The following GRIN2B variants were observed in gnomAD, a reference collection of about 807,000 sequenced individuals.
GRIN2B encodes glutamate receptor ionotropic, NMDA 2B.
A neutral mutation model predicts 114.5 loss-of-function variants in GRIN2B; 5 were observed. The ratio of observed to expected loss-of-function variants is 0.04; its 90% CI spans 0.02 to 0.09. The LOEUF (loss-of-function observed/expected upper bound fraction) is 0.09. GRIN2B is among the 10% of genes least tolerant of loss of function. The pLI, the probability that GRIN2B is intolerant of heterozygous loss-of-function variation, is 1.00. For synonymous variants in GRIN2B, 787 were observed against 745.1 expected, an observed-to-expected ratio of 1.06 and a Z score of -0.92; for missense variants, 1,108 against 1,943.5, an observed-to-expected ratio of 0.57 and a Z score of 8.08.
chr12:13,578,425 C>T (rs1948805504), intron 10 of GRIN2B, among the ~76,000 whole-genome samples: 1 of 152,192 alleles, frequency 6.6e-6, no homozygotes, highest in African/African-American at 2.4e-5. Context: ...ACCCTGAGGC[C>T]ACCATGCCGG....
At chr12:13,887,491 A>G (rs114820763) in intron 2 of GRIN2B, among the ~76,000 whole-genome samples, 190 of 152,372 alleles carry the variant, frequency 1.2e-3, no homozygotes, top group African/African-American at 4.4e-3. Context: ...TACAAGGCAC[A>G]GAATTCAACA....
intron 5 of GRIN2B, among the ~76,000 whole-genome samples, chr12:13,653,259 G>A (rs577623843): frequency 1.4e-3 from 216 of 152,242 alleles, no homozygotes; most frequent in Admixed American, 4.3e-3. Flanking sequence ...ATGTTGGAAA[G>A]AGAGGGGAGA....
At chr12:13,876,806 G>A (rs1865997080) in intron 2 of GRIN2B, among the ~76,000 whole-genome samples, 1 of 152,106 alleles carries the variant, frequency 6.6e-6, no homozygotes, top group Non-Finnish European at 1.5e-5. Context: ...AATGAGGCAG[G>A]GACTATGTCT....
intron 3 of GRIN2B, among the ~76,000 whole-genome samples, chr12:13,779,555 A>G (rs1447641116): frequency 6.6e-6 from 1 of 152,246 alleles, no homozygotes. Context: ...TTCACTTAAT[A>G]TATCTAAAAT....
intron 10 of GRIN2B, among the ~76,000 whole-genome samples, chr12:13,601,269 G>A (rs773020237): frequency 5.3e-5 from 8 of 152,178 alleles, no homozygotes; most frequent in Non-Finnish European, 1.0e-4. Flanking sequence ...TTCTTCCAAA[G>A]GTTCTAGGGG....
At position 13,980,147 on chromosome 12, in the gene GRIN2B, T is replaced by G. The variant is rs1863105814; in HGVS notation, c.-238A>C. ...AAAAAAGATTTAATTCAAAGGTAAT[T>G]CAGGGTATGGAGAGCAGCTCACAAT... is the stretch of plus-strand genomic sequence containing the variant. On this transcript the variant is annotated 5_prime_UTR_variant, in exon 2 of 14. Transcript: ENST00000609686. 1 of 152,238 alleles carries G rather than the reference T, an allele frequency of 6.6e-6. No individual in the cohort carries two copies. The highest frequency in any genetic ancestry group is 1.5e-5 in the Non-Finnish European group (1 of 68,052). The allele number at this position is 152,238 out of a possible 1,614,324, so 9.4% of individuals were successfully genotyped here.
At chr12:13,723,733 G>A (rs953883723) in intron 4 of GRIN2B, among the ~76,000 whole-genome samples, 1 of 152,082 alleles carries the variant, frequency 6.6e-6, no homozygotes, top group Non-Finnish European at 1.5e-5. Context: ...AGAGGGTAAC[G>A]TATTGGGTTA....
chr12:13,894,229 C>T (rs1866315276), intron 2 of GRIN2B, among the ~76,000 whole-genome samples: 1 of 152,054 alleles, frequency 6.6e-6, no homozygotes, highest in Admixed American at 6.6e-5. Context: ...TTCTGGGAAT[C>T]TTTCCTAAAG....
At position 13,816,525 on chromosome 12, in the gene GRIN2B, C is replaced by T. The variant is rs550462286; in HGVS notation, c.411+49273G>A. On this transcript the variant is annotated intron_variant, in intron 3 of 13. Coordinates refer to ENST00000609686, the MANE Select transcript of GRIN2B (RefSeq NM_000834.5). ...AGATACCAGCAGGCTTTTTTGGAGC[C>T]CATGCTATAAGAAGCATGGAAATTC... 1.6e-4 allele frequency among the ~76,000 whole-genome samples: 25 copies of T among 152,106 alleles called. No individual in the cohort carries two copies. The South Asian group carries it at 5.2e-3, about 32-fold the overall frequency.
At chr12:13,692,438 A>G (rs1950222391) in intron 4 of GRIN2B, among the ~76,000 whole-genome samples, 1 of 152,162 alleles carries the variant, frequency 6.6e-6, no homozygotes, top group Non-Finnish European at 1.5e-5. Context: ...ATTGATGAGA[A>G]AAAAATGGAT....
Position 13,570,033 on chromosome 12 carries a change from GCAAA to G in GRIN2B, c.2172-20_2172-17del, listed in dbSNP as rs765274847. The G allele has an allele frequency of 1.1e-5, 17 of 1,590,368 alleles. No individual in the cohort carries two copies. The highest frequency in any genetic ancestry group is 1.3e-5 in the African/African-American group (1 of 74,444). On this transcript the variant is annotated splice_polypyrimidine_tract_variant and intron_variant, in intron 11 of 13. Transcript: ENST00000609686. Reference sequence around the variant, plus strand: ...ATCCAGTTTCCTGTACAGGAAAAAAGCAAACAAATCCAATGGAGGAATTTTAGAA... The same window carrying G: ...ATCCAGTTTCCTGTACAGGAAAAAAGCAAATCCAATGGAGGAATTTTAGAA...
chr12:13,609,782 A>C (rs955085434), intron 9 of GRIN2B, among the ~76,000 whole-genome samples: 9 of 151,930 alleles, frequency 5.9e-5, no homozygotes, highest in Non-Finnish European at 4.4e-5. Flanking sequence ...CAAAAAAAAA[A>C]AAAAAAGAAT....
chr12:13,607,340 T>TAAAAA (rs1949279619), intron 10 of GRIN2B, among the ~76,000 whole-genome samples: 6 of 55,418 alleles, frequency 1.1e-4, no homozygotes, highest in Admixed American at 3.7e-4. Context: ...ATATATTATA[T>TAAAAA]ATAATATATA....
At chr12:13,576,057 G>C (rs1189463591) in intron 10 of GRIN2B, among the ~76,000 whole-genome samples, 2 of 152,180 alleles carry the variant, frequency 1.3e-5, no homozygotes, top group Non-Finnish European at 2.9e-5. Context: ...GGCCAACAGG[G>C]AGAGAACATT....
rs867441693 is a variant in GRIN2B, at chr12:13,541,787, T to C, written c.*20996A>G. ...AGGGTTCCGTGAGGGTTTGGAAAAA[T>C]AGTTCACTAGAAATGGCCTAACAGT... On this transcript the variant is annotated 3_prime_UTR_variant, in exon 14 of 14. Coordinates refer to ENST00000609686, the MANE Select transcript of GRIN2B (RefSeq NM_000834.5). 6.6e-6 allele frequency: 1 copy of C among 152,140 alleles called. No individual in the cohort carries two copies. The highest frequency in any genetic ancestry group is 2.1e-4 in the South Asian group (1 of 4,822). The allele number at this position is 152,140 out of a possible 1,614,324, so 9.4% of individuals were successfully genotyped here. A position where few individuals can be genotyped will look rare whatever the true frequency, so the allele number is the denominator to read the frequency against.
chr12:13,715,546 A>C (rs1950447516), intron 4 of GRIN2B, among the ~76,000 whole-genome samples: 1 of 151,954 alleles, frequency 6.6e-6, no homozygotes, highest in Admixed American at 6.6e-5. Context: ...TGATTGGATA[A>C]ATAAATGGAT....
In GRIN2B at chr12:13,548,685, C is replaced by T. The variant is rs1195122424; in HGVS notation, c.*14098G>A. On this transcript the variant is annotated 3_prime_UTR_variant, in exon 14 of 14. Coordinates refer to ENST00000609686, the MANE Select transcript of GRIN2B (RefSeq NM_000834.5). The stretch of plus-strand genomic sequence containing the variant: ...AATAGCTACTGCCCCTCTCTCTTAG[C>T]TTACTATGATAACACGATTTTATGT... 4 of 152,076 alleles carry T rather than the reference C, an allele frequency of 2.6e-5. No homozygotes were observed. The highest frequency in any genetic ancestry group is 4.4e-5 in the Non-Finnish European group (3 of 68,006). The allele number at this position is 152,076 out of a possible 1,614,324, so 9.4% of individuals were successfully genotyped here. A position where few individuals can be genotyped will look rare whatever the true frequency, so the allele number is the denominator to read the frequency against.
At chr12:13,572,672 G>T (rs973474855) in intron 10 of GRIN2B, among the ~76,000 whole-genome samples, 1 of 152,008 alleles carries the variant, frequency 6.6e-6, no homozygotes, top group Non-Finnish European at 1.5e-5. Flanking sequence ...TTTATTTCTG[G>T]CTATCACCCT....
chr12:13,613,088 G>T (rs746433537), intron 8 of GRIN2B, among the ~76,000 whole-genome samples: 3 of 152,210 alleles, frequency 2.0e-5, no homozygotes, highest in Non-Finnish European at 2.9e-5. Context: ...CACCAACTGT[G>T]AAATGCAAAA....
Sources: allele counts gnomAD v4.1 joint callset (sites outside exome capture counted in the v4.1 genomes callset), GRCh38; gene constraint gnomAD v4.1.1; transcripts MANE v1.5; gene names NCBI Gene and HGNC (gene_info 2026-07-23, HGNC 2026-07-21).